RPS6KC1: variants seen among roughly 807,000 people sequenced by gnomAD.
RPS6KC1 encodes inactive ribosomal protein S6 kinase delta-1.
Under a neutral mutation model 103.8 loss-of-function variants are expected in RPS6KC1, and 54 were observed. That is an observed-to-expected ratio of 0.52 (90% CI 0.42 to 0.65). The LOEUF is 0.65. Among genes scored for constraint, RPS6KC1 ranks in the 30% least tolerant of loss-of-function variants. The pLI, the probability that RPS6KC1 is intolerant of heterozygous loss-of-function variation, is 0.00. For synonymous variants in RPS6KC1, 439 were observed against 438.7 expected, an observed-to-expected ratio of 1.00 and a Z score of -0.01; for missense variants, 1,151 against 1,253.8, an observed-to-expected ratio of 0.92 and a Z score of 1.24.
intron 1 of RPS6KC1, among the ~76,000 whole-genome samples, chr1:213,060,140 G>T (rs1260006558): frequency 6.6e-6 from 1 of 152,128 alleles, no homozygotes; most frequent in African/African-American, 2.4e-5. Context: ...TTTTAGTTTT[G>T]TTAGCTTTTA....
At chr1:213,182,710 T>C (rs1054230845) in intron 8 of RPS6KC1, among the ~76,000 whole-genome samples, 6 of 150,364 alleles carry the variant, frequency 4.0e-5, no homozygotes, top group Admixed American at 6.7e-5. Flanking sequence ...TATAAGAAAC[T>C]CACTTCAAAC....
chr1:213,127,728 G>A (rs986753663), intron 5 of RPS6KC1, among the ~76,000 whole-genome samples: 2 of 152,142 alleles, frequency 1.3e-5, no homozygotes, highest in Admixed American at 6.5e-5. Context: ...GATAACCTCT[G>A]TCTGCCACTT....
chr1:213,144,640 TC>T (rs1405752129), intron 6 of RPS6KC1, among the ~76,000 whole-genome samples: 9 of 152,126 alleles, frequency 5.9e-5, no homozygotes, highest in Non-Finnish European at 1.2e-4. Context: ...GACTTGGTTA[TC>T]AACCTTCTTA....
At chr1:213,151,682 A>C (rs1572863652) in intron 6 of RPS6KC1, among the ~76,000 whole-genome samples, 1 of 80,958 alleles carries the variant, frequency 1.2e-5, no homozygotes, top group Admixed American at 1.0e-4. Flanking sequence ...GGCCGGGCAG[A>C]CGCGCCCCTC....
At chr1:213,423,758 G>C in the RPS6KC1 span, among the ~76,000 whole-genome samples, 1 of 152,048 alleles carries the variant, frequency 6.6e-6, no homozygotes, top group Non-Finnish European at 1.5e-5. Context: ...GCCTTGGAGG[G>C]GGAGCGGCAG....
intron 8 of RPS6KC1, among the ~76,000 whole-genome samples, chr1:213,217,878 T>C (rs1558561552): frequency 6.6e-6 from 1 of 152,080 alleles, no homozygotes; most frequent in Non-Finnish European, 1.5e-5. Context: ...TATCTCAAAA[T>C]AATAAGAGCT....
chr1:213,560,694 T>G, the RPS6KC1 span, among the ~76,000 whole-genome samples: 1 of 152,188 alleles, frequency 6.6e-6, no homozygotes, highest in Non-Finnish European at 1.5e-5. Context: ...TATTTTAAGC[T>G]GCCAATTTTG....
At chr1:213,540,519 T>C in the RPS6KC1 span, among the ~76,000 whole-genome samples, 1 of 152,104 alleles carries the variant, frequency 6.6e-6, no homozygotes, top group Non-Finnish European at 1.5e-5. Context: ...GATTTTCTTT[T>C]TTGTAATTTT....
chr1:213,613,713 T>C, the RPS6KC1 span, among the ~76,000 whole-genome samples: 4 of 152,192 alleles, frequency 2.6e-5, no homozygotes, highest in Admixed American at 2.6e-4. Context: ...CCACAGTGCT[T>C]CAGTGTCCCT....
At chr1:213,097,178 A>G (rs2081540151) in intron 3 of RPS6KC1, among the ~76,000 whole-genome samples, 1 of 152,102 alleles carries the variant, frequency 6.6e-6, no homozygotes, top group Non-Finnish European at 1.5e-5. Context: ...ACATGGTGAA[A>G]CCCCGTCTCT....
chr1:213,214,099 C>CA (rs983235154), intron 8 of RPS6KC1, among the ~76,000 whole-genome samples: 48 of 109,084 alleles, frequency 4.4e-4, no homozygotes, highest in African/African-American at 1.6e-3. Context: ...CTGGGAAGCG[C>CA]AAGGGGTCAG....
At chr1:213,681,922 G>A in the RPS6KC1 span, among the ~76,000 whole-genome samples, 24 of 152,288 alleles carry the variant, frequency 1.6e-4, no homozygotes, top group African/African-American at 5.5e-4. Context: ...TGATATTCAA[G>A]GTCCTCTTCA....
intron 10 of RPS6KC1, among the ~76,000 whole-genome samples, 199 bp downstream of exon 10, chr1:213,232,454 A>G (rs1456197350): frequency 6.6e-6 from 1 of 152,184 alleles, no homozygotes; most frequent in African/African-American, 2.4e-5. Flanking sequence ...CATGTGAACT[A>G]TGGTACCATT....
the RPS6KC1 span, among the ~76,000 whole-genome samples, chr1:213,834,299 A>G: frequency 6.6e-6 from 1 of 152,206 alleles, no homozygotes; most frequent in Non-Finnish European, 1.5e-5. Flanking sequence ...TGGTGGGATT[A>G]CAGGTATGAG....
chr1:213,629,993 C>T, the RPS6KC1 span, among the ~76,000 whole-genome samples: 1 of 152,176 alleles, frequency 6.6e-6, no homozygotes, highest in Admixed American at 6.5e-5. Context: ...GTAACGTGAC[C>T]TTTCTCTCTG....
At chr1:213,068,782 C>T (rs1297379939) in intron 1 of RPS6KC1, among the ~76,000 whole-genome samples, 2 of 149,462 alleles carry the variant, frequency 1.3e-5, no homozygotes, top group Non-Finnish European at 3.0e-5. Context: ...GAGGCTGAGG[C>T]GGGAGGATTG....
the RPS6KC1 span, among the ~76,000 whole-genome samples, chr1:213,813,967 C>T: frequency 2.0e-5 from 3 of 152,218 alleles, no homozygotes; most frequent in Non-Finnish European, 4.4e-5. Flanking sequence ...GAGCAGGAAG[C>T]TGGGACTAGA....
At chr1:213,216,891 T>C (rs549467174) in intron 8 of RPS6KC1, among the ~76,000 whole-genome samples, 185 of 152,214 alleles carry the variant, frequency 1.2e-3, no homozygotes, top group South Asian at 2.9e-3. Context: ...GGGAAATTTA[T>C]AGCACTAAAT....
chr1:213,145,863 G>A (rs2087698097), intron 6 of RPS6KC1, among the ~76,000 whole-genome samples: 1 of 148,576 alleles, frequency 6.7e-6, no homozygotes, highest in East Asian at 2.0e-4. Flanking sequence ...TTTGAGTTAT[G>A]AACAATCCAA....
Sources: gnomAD v4.1 joint callset for allele counts (sites outside exome capture counted in the v4.1 genomes callset) on GRCh38, gnomAD v4.1.1 for gene constraint, MANE v1.5 for transcripts, NCBI Gene and HGNC (gene_info 2026-07-23, HGNC 2026-07-21) for gene names.